NDUFS2: variants seen among roughly 807,000 people sequenced by gnomAD.
NDUFS2 encodes NADH:ubiquinone oxidoreductase core subunit S2.
In NDUFS2, 38 loss-of-function variants were observed where a neutral mutation model predicts 69.6. That is an observed-to-expected ratio of 0.55 (90% CI 0.42 to 0.72). The LOEUF is 0.72. Ranked by LOEUF, NDUFS2 falls within the 30% of genes least tolerant of loss-of-function variation. The probability of loss-of-function intolerance (pLI) is 0.00; values close to 1 mark genes in which losing one functional copy is unlikely to be tolerated. For synonymous variants in NDUFS2, 194 were observed against 211.2 expected (o/e 0.92, Z 0.70); for missense variants, 468 against 595.0 (o/e 0.79, Z 2.22).
chr1:161,209,983 G>A lies in NDUFS2; in HGVS notation c.702+52G>A, dbSNP rs561357008. The A allele has an allele frequency of 8.7e-6, 14 of 1,607,856 alleles. No individual in the cohort carries two copies. The South Asian group carries it at 1.5e-4, about 18-fold the overall frequency. ...TGTCCAGCCCAGGCCTATTTTCCCT[G>A]TGGCCACTGGAGGGCAGTGCTGGAT... is the stretch of plus-strand genomic sequence containing the variant. On this transcript the variant is annotated intron_variant, in intron 6 of 13. Transcript: ENST00000676972.
upstream of NDUFS2, chr1:161,198,313 C>T (rs1187920880): frequency 6.8e-6 from 11 of 1,613,498 alleles, no homozygotes; most frequent in Non-Finnish European, 8.5e-6. This position sits in a 1 kb window ranked among gnomAD's most constrained non-coding sequence, Gnocchi z 4.7. Context: ...CTGTCAGCCC[C>T]TCGACCTGCA....
upstream of NDUFS2, chr1:161,201,981 G>T: frequency 3.0e-6 from 1 of 336,432 alleles, no homozygotes; most frequent in Non-Finnish European, 5.8e-6. Context: ...TAAGGGCAGG[G>T]CTCAGATACA....
rs557457575 is a variant in NDUFS2 at position 161,208,849 on chromosome 1, G to A, written c.394-344G>A. Among the ~76,000 whole-genome samples the A allele has an allele frequency of 2.6e-5, 4 of 152,298 alleles. No homozygotes were observed. The East Asian group carries it at 7.7e-4, about 29-fold the overall frequency. ...TGAGGTATTTGCTTTGAATGTGTCT[G>A]TATGGTGGAAATACTGTATAATGGT... On this transcript the variant is annotated intron_variant, in intron 3 of 13. Transcript: ENST00000676972.
At chr1:161,212,965 C>T in intron 10 of NDUFS2, 1 of 278,350 alleles carries the variant, frequency 3.6e-6, no homozygotes, top group Non-Finnish European at 7.0e-6. Flanking sequence ...AGTACAGTGG[C>T]ATGATCTTGG....
At chr1:161,205,233 T>C (rs1380632700) in intron 2 of NDUFS2, among the ~76,000 whole-genome samples, 4 of 152,174 alleles carry the variant, frequency 2.6e-5, no homozygotes, top group Non-Finnish European at 5.9e-5. Context: ...AGATAACATG[T>C]GCCTGGCACA....
chr1:161,200,836 A>G (rs1407328709), upstream of NDUFS2, among the ~76,000 whole-genome samples: 1 of 152,172 alleles, frequency 6.6e-6, no homozygotes, highest in Non-Finnish European at 1.5e-5. Context: ...AATGAAAGAC[A>G]AAGGGCTTTA....
intron 6 of NDUFS2, 51 bp downstream of exon 6, chr1:161,209,982 T>C (rs766975436): frequency 6.2e-7 from 1 of 1,607,354 alleles, no homozygotes; most frequent in South Asian, 1.1e-5. Context: ...CTATTTTCCC[T>C]GTGGCCACTG....
At chr1:161,201,666 G>T (rs1665127663), upstream of NDUFS2, among the ~76,000 whole-genome samples, 1 of 152,178 alleles carries the variant, frequency 6.6e-6, no homozygotes, top group African/African-American at 2.4e-5. Flanking sequence ...CTGGGTCTGT[G>T]ATTCTGTAGG....
At chr1:161,213,584 G>A in intron 11 of NDUFS2, 65 bp from the exon 12 acceptor site, 1 of 1,573,314 alleles carries the variant, frequency 6.4e-7, no homozygotes, top group Admixed American at 1.7e-5. Context: ...ATGAATAGAG[G>A]TTTTGTTGGC....
chr1:161,213,309 C>A, intron 10 of NDUFS2, 71 bp from the exon 11 acceptor site: 1 of 973,554 alleles, frequency 1.0e-6, no homozygotes, highest in Non-Finnish European at 1.6e-6. Flanking sequence ...AGATTATTTT[C>A]TGTGCTGGGG....
chr1:161,203,028 T>C (rs909248113), intron 1 of NDUFS2, among the ~76,000 whole-genome samples: 2 of 152,064 alleles, frequency 1.3e-5, no homozygotes, highest in African/African-American at 4.8e-5. Flanking sequence ...GGACATTGGC[T>C]GGGCGCGGTG....
At chr1:161,213,987 G>T (rs997875543) in intron 13 of NDUFS2, 66 bp downstream of exon 13, 2 of 1,613,946 alleles carry the variant, frequency 1.2e-6, no homozygotes, top group Non-Finnish European at 1.7e-6. Context: ...ACTGGGGACA[G>T]AAGGAGAACA....
Position 161,214,337 on chromosome 1 carries a change from A to G in NDUFS2, c.*144A>G, listed in dbSNP as rs980641482. On this transcript the variant is annotated 3_prime_UTR_variant, in exon 14 of 14. Coordinates refer to ENST00000676972, the MANE Select transcript of NDUFS2 (RefSeq NM_001377299.1). ...CACTTGGCTGTCAGGCTTTCTGTGC[A>G]TGTACTAAAAAAGGAGAAATTATAA... The G allele has an allele frequency of 1.2e-6, 1 of 825,872 alleles. No homozygotes were observed. The allele number at this position is 825,872 out of a possible 1,614,324, so 51.2% of individuals were successfully genotyped here.
At position 161,210,205 on chromosome 1, in the gene NDUFS2, T is replaced by C. The variant is rs1259776123; in HGVS notation, c.780+17T>C. 1.2e-6 allele frequency: 2 copies of C among 1,613,648 alleles called. No homozygotes were observed. Among genetic ancestry groups the C allele is most frequent in the Admixed American group, 3.3e-5 (2 of 60,002 alleles). On this transcript the variant is annotated intron_variant, in intron 7 of 13. Transcript: ENST00000676972. ...TTGGAGGAGGTAAGCTAGGAGTCAA[T>C]GGGAAAAATCTCTCCCCCACAAGAA...
chr1:161,206,285 G>A (rs940854835), intron 2 of NDUFS2, 122 bp from the exon 3 acceptor site: 21 of 1,028,962 alleles, frequency 2.0e-5, no homozygotes, highest in Non-Finnish European at 2.7e-5. Flanking sequence ...TGGAGATTAG[G>A]AAATTAACAA....
At position 161,202,470 on chromosome 1, in the gene NDUFS2, C is replaced by G; in HGVS notation, c.85C>G (p.Gln29Glu). ...RPGAGVRLPI[Q>E]PSRGVRQWQP... ...TGGGGCTGGAGTCCGATTGCCGATT[C>G]AGCCCAGCAGGTGAGATCGAGGGCA... is the stretch of plus-strand genomic sequence containing the variant. The change falls in exon 1 of 14, where the codon CAG (glutamine) becomes GAG (glutamate). Residue 29 changes from glutamine (Q) to glutamate (E), a missense_variant. Physicochemically the swap from Gln to Glu is conservative, Grantham distance 29 (BLOSUM62 2). Around this residue, in one of 3 missense-constraint regions of NDUFS2, gnomAD observed 57 missense variants for 42.3 expected, o/e 1.35. Transcript: ENST00000676972. 1.9e-6 allele frequency: 3 copies of G among 1,611,266 alleles called. No individual in the cohort carries two copies. The highest frequency in any genetic ancestry group is 1.7e-6 in the Non-Finnish European group (2 of 1,179,136).
Position 161,203,508 on chromosome 1 carries a change from A to G in NDUFS2, c.167A>G (p.Lys56Arg). The change falls in exon 2 of 14, where the codon AAA (lysine) becomes AGA (arginine). Residue 56 changes from lysine (K) to arginine (R), a missense_variant. Coordinates refer to ENST00000676972, the MANE Select transcript of NDUFS2 (RefSeq NM_001377299.1). ...QFGGAVMYPS[K>R]ETAHWKPPPW... ...GGGGGAGCTGTTATGTACCCAAGCA[A>G]AGAAACAGCCCACTGGAAGCCTCCA... The G allele has an allele frequency of 6.2e-7, 1 of 1,613,966 alleles. No homozygotes were observed. The highest frequency in any genetic ancestry group is 1.1e-5 in the South Asian group (1 of 91,062).
Position 161,209,590 on chromosome 1 carries a change from G to C in NDUFS2, c.622G>C (p.Glu208Gln). 6.2e-7 allele frequency: 1 copy of C among 1,609,218 alleles called. No individual in the cohort carries two copies. The highest frequency in any genetic ancestry group is 8.5e-7 in the Non-Finnish European group (1 of 1,178,542). ...TPFFWLFEER[E>Q]KMFEFYERVS... Reference sequence around the variant, plus strand: ...TTTCTTCTGGCTGTTTGAAGAAAGGGAGAAGGTAAGAGTGGGAGGAAAGGA... The same window carrying C: ...TTTCTTCTGGCTGTTTGAAGAAAGGCAGAAGGTAAGAGTGGGAGGAAAGGA... The change falls in exon 5 of 14, where the codon GAG (glutamate) becomes CAG (glutamine). Residue 208 changes from glutamate (E) to glutamine (Q), a missense_variant. By Grantham distance (29) the Glu-to-Gln change is conservative (BLOSUM62 2). Coordinates refer to ENST00000676972, the MANE Select transcript of NDUFS2 (RefSeq NM_001377299.1).
chr1:161,209,374 A>G (rs1665646521), intron 4 of NDUFS2, 61 bp downstream of exon 4: 1 of 1,612,990 alleles, frequency 6.2e-7, no homozygotes, highest in Non-Finnish European at 8.5e-7. Flanking sequence ...CTTTTCCACC[A>G]CTTCCCCGTT....
Sources: gnomAD v4.1 joint callset for allele counts (sites outside exome capture counted in the v4.1 genomes callset) on GRCh38, gnomAD v4.1.1 for gene constraint, gnomAD v4.1.1 regional missense constraint, Gnocchi (gnomAD v3.1) non-coding constraint, MANE v1.5 for transcripts, NCBI Gene and HGNC (gene_info 2026-07-23, HGNC 2026-07-21) for gene names.